The following POLE2 variants were observed in gnomAD, a reference collection of about 807,000 sequenced individuals.
The protein encoded by POLE2 is DNA polymerase epsilon subunit 2.
POLE2 carries 56 observed loss-of-function variants against 79.4 expected under a neutral mutation model. That is an observed-to-expected ratio of 0.71 (90% CI 0.57 to 0.88). POLE2 has a LOEUF of 0.88. POLE2 is among the 40% of genes least tolerant of loss of function. The probability of loss-of-function intolerance (pLI) is 0.00; values close to 1 mark genes in which losing one functional copy is unlikely to be tolerated. For synonymous variants in POLE2, 212 were observed against 214.0 expected (o/e 0.99, Z 0.08); for missense variants, 598 against 638.9 (o/e 0.94, Z 0.69).
At chr14:49,673,832 G>A (rs764966296) in intron 5 of POLE2, among the ~76,000 whole-genome samples, 2 of 152,030 alleles carry the variant, frequency 1.3e-5, no homozygotes, top group African/African-American at 2.4e-5. Context: ...AGTATTATGA[G>A]GATTAAATGA....
intron 9 of POLE2, 151 bp from the exon 10 acceptor site, chr14:49,663,538 C>T (rs1885244893): frequency 2.3e-6 from 1 of 441,026 alleles, no homozygotes. Context: ...CAGTGAACAA[C>T]TTTAGATCCA....
Position 49,651,306 on chromosome 14 carries a change from A to G in POLE2, c.1283T>C (p.Val428Ala). Reference protein sequence around the residue: ...DLVNKMCRNCVRFPSSNLAIP... With the variant: ...DLVNKMCRNCARFPSSNLAIP... Reference sequence around the variant, plus strand: ...AGCCAAATTGCTGCTAGGAAAACGGACGCAGTTTCTGCACATTTTATTTAC... The same window carrying G: ...AGCCAAATTGCTGCTAGGAAAACGGGCGCAGTTTCTGCACATTTTATTTAC... The change falls in exon 16 of 19, where the codon GTC becomes GCC. Residue 428 changes from valine (V) to alanine (A), a missense_variant. Val to Ala is a moderately conservative substitution (Grantham distance 64, BLOSUM62 0). Coordinates refer to ENST00000216367, the MANE Select transcript of POLE2 (RefSeq NM_002692.4). The G allele has an allele frequency of 5.0e-6, 8 of 1,604,584 alleles. No individual in the cohort carries two copies. The highest frequency in any genetic ancestry group is 4.3e-6 in the Non-Finnish European group (5 of 1,172,064).
At chr14:49,679,549 A>T (rs1306059168) in intron 3 of POLE2, 176 bp downstream of exon 3, 12 of 525,586 alleles carry the variant, frequency 2.3e-5, no homozygotes, top group African/African-American at 3.9e-5. Flanking sequence ...ACCAGTAAAG[A>T]TGAGTCATTT....
chr14:49,677,223 G>A (rs1161521294), intron 3 of POLE2: 8 of 804,190 alleles, frequency 9.9e-6, no homozygotes, highest in African/African-American at 1.7e-5. Context: ...TTTACCTCAC[G>A]GCTTACTGTC....
intron 10 of POLE2, among the ~76,000 whole-genome samples, chr14:49,659,588 A>T (rs996796987): frequency 7.2e-5 from 11 of 152,298 alleles, no homozygotes; most frequent in Admixed American, 2.0e-4. Context: ...TTATTAAAAA[A>T]TTTTTATTTC....
In POLE2 at chr14:49,679,928, G is replaced by GA. The variant is rs1951025262; in HGVS notation, c.170-129dup. On this transcript the variant is annotated intron_variant, in intron 2 of 18. Transcript: ENST00000216367. Reference sequence around the variant, plus strand: ...AGATTCTCATTATACAGTTTTTGGAGAAAAAAAGTGTTAGGTCAGAACAAT... The same window carrying GA: ...AGATTCTCATTATACAGTTTTTGGAGAAAAAAAAGTGTTAGGTCAGAACAAT... The GA allele has an allele frequency of 6.7e-6, 4 of 600,746 alleles. No individual in the cohort carries two copies. The Admixed American group carries it at 9.1e-5, about 14-fold the overall frequency. 37.2% of individuals were successfully genotyped at this position (600,746 alleles called of 1,614,324 possible). A position where few individuals can be genotyped will look rare whatever the true frequency, so the allele number is the denominator to read the frequency against.
intron 15 of POLE2, among the ~76,000 whole-genome samples, chr14:49,652,058 G>T (rs895062844): frequency 6.6e-6 from 1 of 152,038 alleles, no homozygotes; most frequent in Non-Finnish European, 1.5e-5. Flanking sequence ...TAAATCACGA[G>T]GGGTCCCTTT....
chr14:49,679,825 A>T, intron 2 of POLE2, 25 bp from the exon 3 acceptor site: 1 of 1,427,442 alleles, frequency 7.0e-7, no homozygotes, highest in Non-Finnish European at 9.8e-7. Flanking sequence ...TCAAAGTCAA[A>T]ATTTAAAAAC....
intron 17 of POLE2, 45 bp from the exon 18 acceptor site, chr14:49,647,405 T>C: frequency 1.2e-6 from 1 of 869,066 alleles, no homozygotes; most frequent in Non-Finnish European, 1.7e-6. Context: ...CAGACTTTTT[T>C]TTAAAATAAA....
At chr14:49,652,163 T>G (rs1884296498) in intron 15 of POLE2, among the ~76,000 whole-genome samples, 1 of 38,484 alleles carries the variant, frequency 2.6e-5, no homozygotes. Flanking sequence ...AAGAATAGAA[T>G]ACGGAGAGGA....
chr14:49,651,422 G>C (rs1214490126), intron 15 of POLE2, 45 bp from the exon 16 acceptor site: 3 of 822,414 alleles, frequency 3.6e-6, no homozygotes, highest in Admixed American at 2.4e-5. Context: ...AGAAAAAAAT[G>C]ATATTAATTT....
intron 11 of POLE2, among the ~76,000 whole-genome samples, chr14:49,655,416 G>T (rs1310218311): frequency 1.3e-5 from 2 of 150,108 alleles, no homozygotes; most frequent in African/African-American, 4.9e-5. Context: ...TTGTCCAGCT[G>T]GTCTTGAACT....
rs1172197561 is a variant in POLE2, at chr14:49,688,161, T to C, written c.43A>G (p.Lys15Glu). 5.1e-6 allele frequency: 8 copies of C among 1,554,132 alleles called. No homozygotes were observed. Among genetic ancestry groups the C allele is most frequent in the African/African-American group, 1.4e-5 (1 of 71,230 alleles). ...RLRSRALSAF[K>E]LRGLLLRGEA... ...CCACGGAGCAGCAAGCCCCGCAACT[T>C]GAAGGCGGAGAGCGCCCGGCTCCGC... Residue 15 changes from lysine to glutamate, a missense_variant, in exon 1 of 19, where the codon AAG (lysine) becomes GAG (glutamate). Lys to Glu is a moderately conservative substitution (Grantham distance 56). Coordinates refer to ENST00000216367, the MANE Select transcript of POLE2 (RefSeq NM_002692.4).
At chr14:49,654,264 T>C in intron 13 of POLE2, 50 bp from the exon 14 acceptor site, 1 of 1,235,152 alleles carries the variant, frequency 8.1e-7, no homozygotes, top group Non-Finnish European at 1.2e-6. Flanking sequence ...TGTAACACTA[T>C]CCAATAGCTT....
At chr14:49,643,968 C>CTCCTGGGTTCGAGTGAT (rs1185060360) in intron 18 of POLE2, among the ~76,000 whole-genome samples, 3 of 146,986 alleles carry the variant, frequency 2.0e-5, no homozygotes, top group Admixed American at 1.4e-4. Context: ...CAACCTCTGC[C>CTCCTGGGTTCGAGTGAT]TCCTGGGTTC....
At chr14:49,680,465 C>G (rs1438597776) in intron 2 of POLE2, among the ~76,000 whole-genome samples, 1 of 152,194 alleles carries the variant, frequency 6.6e-6, no homozygotes, top group East Asian at 1.9e-4. Context: ...TAGCAGCTAC[C>G]ACTTATTAAG....
chr14:49,656,926 T>C (rs1237438322), intron 10 of POLE2, among the ~76,000 whole-genome samples: 2 of 152,048 alleles, frequency 1.3e-5, no homozygotes, highest in Admixed American at 6.6e-5. Flanking sequence ...CTGACCAACA[T>C]GGTGAAATCC....
intron 8 of POLE2, 34 bp from the exon 9 acceptor site, chr14:49,664,708 T>G (rs773268428): frequency 1.5e-6 from 2 of 1,340,270 alleles, no homozygotes; most frequent in South Asian, 2.4e-5. Flanking sequence ...ATTCTATTCT[T>G]GAGGCAGTAA....
chr14:49,652,640 A>G (rs983757628), intron 15 of POLE2, among the ~76,000 whole-genome samples: 2 of 151,926 alleles, frequency 1.3e-5, no homozygotes, highest in Non-Finnish European at 2.9e-5. Context: ...TAGGCTGCAC[A>G]CTCGTTATAA....
Sources: allele counts gnomAD v4.1 joint callset (sites outside exome capture counted in the v4.1 genomes callset), GRCh38; gene constraint gnomAD v4.1.1; transcripts MANE v1.5; gene names NCBI Gene and HGNC (gene_info 2026-07-23, HGNC 2026-07-21).